Variants in TAF4B observed in about 807,000 individuals in gnomAD.
TAF4B encodes the protein transcription initiation factor TFIID subunit 4B.
TAF4B carries 38 observed loss-of-function variants against 86.4 expected under a neutral mutation model. The observed-to-expected ratio is 0.44, with a 90% CI of 0.34 to 0.58. The LOEUF (loss-of-function observed/expected upper bound fraction) is 0.58, where lower values mean the gene tolerates loss of function less well. Among genes scored for constraint, TAF4B ranks in the 20% least tolerant of loss-of-function variants. The pLI is 0.02. For synonymous variants in TAF4B, 388 were observed against 391.2 expected, an observed-to-expected ratio of 0.99 and a Z score of 0.10; for missense variants, 988 against 1,027.6, an observed-to-expected ratio of 0.96 and a Z score of 0.53.
chr18:26,365,828 C>T (rs568454538), intron 14 of TAF4B, among the ~76,000 whole-genome samples: 1 of 152,216 alleles, frequency 6.6e-6, no homozygotes, highest in Admixed American at 6.5e-5. Context: ...CTTGCTTTAT[C>T]ACCCAGGCTG....
At chr18:26,334,842 A>C (rs1234772660) in intron 12 of TAF4B, among the ~76,000 whole-genome samples, 2 of 152,092 alleles carry the variant, frequency 1.3e-5, no homozygotes, top group Non-Finnish European at 2.9e-5. Flanking sequence ...ACCAACAATT[A>C]CTCTTTTTTT....
intron 10 of TAF4B, among the ~76,000 whole-genome samples, chr18:26,315,883 T>G (rs1325227822): frequency 3.3e-5 from 5 of 152,128 alleles, no homozygotes; most frequent in Non-Finnish European, 7.4e-5. Flanking sequence ...GAGTAGTTGT[T>G]AGATAGCTGC....
At chr18:26,261,207 A>T in intron 1 of TAF4B, among the ~76,000 whole-genome samples, 1 of 96,052 alleles carries the variant, frequency 1.0e-5, no homozygotes. Flanking sequence ...TTTGAGACGG[A>T]GTCTCGCTCT....
chr18:26,296,548 TC>T (rs1397719682), intron 9 of TAF4B, among the ~76,000 whole-genome samples: 1 of 152,128 alleles, frequency 6.6e-6, no homozygotes, highest in Non-Finnish European at 1.5e-5. Flanking sequence ...TGTTTTTTTT[TC>T]CTTTATAGTT....
chr18:26,389,700 A>G (rs1598849322), intron 14 of TAF4B, 145 bp from the exon 15 acceptor site: 1 of 783,418 alleles, frequency 1.3e-6, no homozygotes, highest in South Asian at 2.1e-5. Flanking sequence ...CTGCTGGAGG[A>G]CAGGGTTAGG....
chr18:26,285,222 G>GTTTTTTTTTTTTGTTTTTGTTTTTTT (rs2056501259), intron 6 of TAF4B, among the ~76,000 whole-genome samples: 1 of 45,692 alleles, frequency 2.2e-5, no homozygotes, highest in Admixed American at 3.1e-4. Context: ...TTTTTTTTTT[G>GTTTTTTTTTTTTGTTTTTGTTTTTTT]TTTTTTTTTT....
At chr18:26,282,356 C>T (rs995275653) in intron 6 of TAF4B, among the ~76,000 whole-genome samples, 1 of 152,014 alleles carries the variant, frequency 6.6e-6, no homozygotes, top group African/African-American at 2.4e-5. Flanking sequence ...TGGTTTCAGA[C>T]CACCATAAGA....
chr18:26,389,694 T>C (rs1978591842), intron 14 of TAF4B, 151 bp from the exon 15 acceptor site: 3 of 747,736 alleles, frequency 4.0e-6, no homozygotes, highest in Admixed American at 6.1e-5. Context: ...GATTGGCTGC[T>C]GGAGGACAGG....
intron 13 of TAF4B, among the ~76,000 whole-genome samples, chr18:26,346,801 GTATATATATATATA>G (rs368950266): frequency 1.3e-3 from 23 of 18,230 alleles, no homozygotes; most frequent in Non-Finnish European, 3.2e-3. Context: ...ATATATATGT[GTATATATATATATA>G]TGTGTGTGTA....
intron 12 of TAF4B, among the ~76,000 whole-genome samples, chr18:26,328,830 G>C (rs112824099): frequency 0.018 from 2,803 of 152,018 alleles, 78 homozygotes; most frequent in African/African-American, 0.064. Context: ...ATGTTGCCCA[G>C]GGTGGTCTCG....
At chr18:26,237,307 T>A (rs906118770) in intron 1 of TAF4B, among the ~76,000 whole-genome samples, 2 of 152,170 alleles carry the variant, frequency 1.3e-5, no homozygotes, top group Non-Finnish European at 2.9e-5. Flanking sequence ...TCTCTCCAAG[T>A]GAGGTTGAAG....
intron 6 of TAF4B, among the ~76,000 whole-genome samples, chr18:26,285,222 G>GTTTTTTTTTTTTGTTTTTTTTT (rs2056501259): frequency 2.2e-5 from 1 of 45,660 alleles, no homozygotes; most frequent in African/African-American, 6.3e-5. Flanking sequence ...TTTTTTTTTT[G>GTTTTTTTTTTTTGTTTTTTTTT]TTTTTTTTTT....
chr18:26,360,361 T>C (rs1422991617), intron 14 of TAF4B, among the ~76,000 whole-genome samples: 1 of 152,160 alleles, frequency 6.6e-6, no homozygotes, highest in East Asian at 1.9e-4. Flanking sequence ...TCAATTTTTC[T>C]TTTTCCCATG....
chr18:26,274,623 T>C, intron 3 of TAF4B, 40 bp from the exon 4 acceptor site: 2 of 1,606,876 alleles, frequency 1.2e-6, no homozygotes, highest in Non-Finnish European at 1.7e-6. Flanking sequence ...TAATGTATCA[T>C]AGTAATACAT....
chr18:26,286,015 C>A lies in TAF4B; in HGVS notation c.1106C>A (p.Thr369Asn), dbSNP rs201525075. The change falls in exon 7 of 15, where the codon ACT becomes AAT. Residue 369 changes from threonine to asparagine, a missense_variant. Physicochemically the swap from Thr to Asn is moderately conservative, Grantham distance 65. Coordinates refer to ENST00000269142, the MANE Select transcript of TAF4B (RefSeq NM_005640.3). ...TTVTTSPVVT[T>N]TVSSSQSEKS... is the part of the protein sequence containing the mutation. ...GTAACAACTTCTCCTGTGGTGACAA[C>A]TACAGTGTCCTCAAGCCAGTCTGAA... 1.2e-4 allele frequency: 187 copies of A among 1,614,078 alleles called. No homozygotes were observed. The highest frequency in any genetic ancestry group is 8.2e-4 in the Admixed American group (49 of 60,002).
chr18:26,244,347 G>C (rs2055889101), intron 1 of TAF4B, among the ~76,000 whole-genome samples: 1 of 152,250 alleles, frequency 6.6e-6, no homozygotes, highest in African/African-American at 2.4e-5. Context: ...CAGTGAGCGA[G>C]GTTCTGTGGG....
chr18:26,317,822 C>T (rs2056926856), intron 10 of TAF4B, among the ~76,000 whole-genome samples: 1 of 152,140 alleles, frequency 6.6e-6, no homozygotes, highest in Non-Finnish European at 1.5e-5. Flanking sequence ...TAATTGTCTC[C>T]CAAAGGCCCC....
chr18:26,308,872 T>C, intron 9 of TAF4B, among the ~76,000 whole-genome samples: 1 of 111,520 alleles, frequency 9.0e-6, no homozygotes, highest in Non-Finnish European at 1.7e-5. Flanking sequence ...AGAGTGAGAC[T>C]CTGTCTCAAA....
chr18:26,246,446 A>G (rs1339924215), intron 1 of TAF4B, among the ~76,000 whole-genome samples: 1 of 152,178 alleles, frequency 6.6e-6, no homozygotes, highest in Admixed American at 6.5e-5. Flanking sequence ...GTGTAGCAAC[A>G]TAGGAGAGAA....
Sources: allele counts gnomAD v4.1 joint callset (sites outside exome capture counted in the v4.1 genomes callset), GRCh38; gene constraint gnomAD v4.1.1; transcripts MANE v1.5; gene names NCBI Gene and HGNC (gene_info 2026-07-23, HGNC 2026-07-21).